Variants in CSMD3 observed in about 807,000 individuals in gnomAD.
CSMD3 encodes the protein CUB and Sushi multiple domains 3, also known as CUB and sushi domain-containing protein 3.
CSMD3 carries 177 observed loss-of-function variants against 435.2 expected under a neutral mutation model. The observed-to-expected ratio is 0.41, with a 90% confidence interval of 0.36 to 0.46. The LOEUF is 0.46. Among genes scored for constraint, CSMD3 ranks in the 20% least tolerant of loss-of-function variants. CSMD3 has a pLI of 0.34. For synonymous variants in CSMD3, 1,656 were observed against 1,520.5 expected (o/e 1.09, Z -2.07); for missense variants, 4,265 against 4,504.6 (o/e 0.95, Z 1.52).
At chr8:112,254,598 T>C (rs954861602) in intron 62 of CSMD3, among the ~76,000 whole-genome samples, 1 of 152,068 alleles carries the variant, frequency 6.6e-6, no homozygotes, top group Admixed American at 6.6e-5. Context: ...GCTCTGTGGA[T>C]GTAAAATTAA....
At chr8:112,860,461 CT>C in intron 10 of CSMD3, among the ~76,000 whole-genome samples, 1 of 151,588 alleles carries the variant, frequency 6.6e-6, no homozygotes. Context: ...GCAATTCAAT[CT>C]TTTTTCCCCA....
chr8:113,287,691 T>A (rs1203901712), intron 2 of CSMD3, among the ~76,000 whole-genome samples: 2 of 151,950 alleles, frequency 1.3e-5, no homozygotes, highest in African/African-American at 4.8e-5. Context: ...TGAATAAAAG[T>A]TGATGTCATG....
chr8:112,661,284 T>C (rs1489756797), intron 17 of CSMD3, among the ~76,000 whole-genome samples: 3 of 152,114 alleles, frequency 2.0e-5, no homozygotes, highest in Non-Finnish European at 2.9e-5. Context: ...TTTGAAACAG[T>C]CTAATTTCAA....
chr8:112,535,418 A>G (rs1825974305), intron 27 of CSMD3, among the ~76,000 whole-genome samples: 2 of 151,630 alleles, frequency 1.3e-5, no homozygotes, highest in South Asian at 4.2e-4. Flanking sequence ...ACTCCCATTC[A>G]CAATTGCTTC....
At chr8:112,229,249 G>T (rs1187489711) in intron 69 of CSMD3, among the ~76,000 whole-genome samples, 1 of 152,100 alleles carries the variant, frequency 6.6e-6, no homozygotes, top group Admixed American at 6.6e-5. Context: ...TACAACATAG[G>T]CTTGGCTTGA....
At chr8:112,753,836 T>G (rs2077629155) in intron 13 of CSMD3, among the ~76,000 whole-genome samples, 1 of 152,226 alleles carries the variant, frequency 6.6e-6, no homozygotes, top group Non-Finnish European at 1.5e-5. Context: ...TCTAACTTCC[T>G]ATCCCAACTT....
At chr8:113,257,581 T>C (rs2093393103) in intron 3 of CSMD3, among the ~76,000 whole-genome samples, 1 of 152,184 alleles carries the variant, frequency 6.6e-6, no homozygotes, top group Non-Finnish European at 1.5e-5. Flanking sequence ...GTATCCTTTG[T>C]AATATCCTTT....
At position 112,828,760 on chromosome 8, in the gene CSMD3, T is replaced by C. The variant is rs75122683; in HGVS notation, c.1859+926A>G. Among the ~76,000 whole-genome samples the C allele has an allele frequency of 3.8e-3, 578 of 152,280 alleles. 2 individuals are homozygous for C. Among genetic ancestry groups the C allele is most frequent in the African/African-American group, 0.013 (548 of 41,572 alleles). ...AAACAGAACTGTAGTAGGCCAGAGA[T>C]AGACCACCAAATCATGTTGATCAAT... On this transcript the variant is annotated intron_variant, in intron 12 of 70. Coordinates refer to ENST00000297405, the MANE Select transcript of CSMD3 (RefSeq NM_198123.2).
intron 50 of CSMD3, among the ~76,000 whole-genome samples, 187 bp from the exon 51 acceptor site, chr8:112,306,379 T>C (rs1003368402): frequency 6.6e-6 from 1 of 152,182 alleles, no homozygotes; most frequent in African/African-American, 2.4e-5. Context: ...AAACCCTTAT[T>C]TAGCAATGTT....
At chr8:112,432,796 C>T (rs12675991) in intron 32 of CSMD3, among the ~76,000 whole-genome samples, 64,767 of 151,470 alleles carry the variant, frequency 0.43, 14,812 homozygotes, top group Middle Eastern at 0.6. Context: ...GGATATTTGG[C>T]CATAGGTGGT....
chr8:113,420,616 C>T (rs766065379), intron 1 of CSMD3, among the ~76,000 whole-genome samples: 2 of 151,822 alleles, frequency 1.3e-5, no homozygotes, highest in African/African-American at 4.8e-5. Context: ...AAATAAAATA[C>T]GTCTATATAC....
chr8:112,502,211 C>T (rs1022380259), intron 30 of CSMD3, among the ~76,000 whole-genome samples: 12 of 152,092 alleles, frequency 7.9e-5, no homozygotes, highest in African/African-American at 2.7e-4. Flanking sequence ...AAAAGAGTTT[C>T]GAACCCATAT....
At chr8:113,152,836 GGGC>G (rs2091840123) in intron 4 of CSMD3, among the ~76,000 whole-genome samples, 1 of 151,326 alleles carries the variant, frequency 6.6e-6, no homozygotes, top group Non-Finnish European at 1.5e-5. Context: ...AAATTTAGCT[GGGC>G]ATATGCCTGT....
intron 38 of CSMD3, among the ~76,000 whole-genome samples, chr8:112,364,246 G>A (rs1243340129): frequency 6.6e-6 from 1 of 151,766 alleles, no homozygotes; most frequent in African/African-American, 2.4e-5. Flanking sequence ...CTACTACAAG[G>A]GATAGAAAGA....
intron 1 of CSMD3, among the ~76,000 whole-genome samples, chr8:113,384,841 G>A (rs545545768): frequency 6.6e-6 from 1 of 152,222 alleles, no homozygotes; most frequent in South Asian, 2.1e-4. Flanking sequence ...CCAGTGGAAA[G>A]TCACCTGACA....
At chr8:112,792,233 C>G (rs1315893239) in intron 13 of CSMD3, among the ~76,000 whole-genome samples, 1 of 151,976 alleles carries the variant, frequency 6.6e-6, no homozygotes, top group African/African-American at 2.4e-5. Flanking sequence ...TTCTCCTTTA[C>G]TATTATAAAA....
At chr8:113,116,121 T>C (rs2090819445) in intron 4 of CSMD3, among the ~76,000 whole-genome samples, 1 of 152,036 alleles carries the variant, frequency 6.6e-6, no homozygotes. Flanking sequence ...ATATCAGGAT[T>C]AATACACTAA....
At chr8:112,783,511 G>A (rs1223028740) in intron 13 of CSMD3, among the ~76,000 whole-genome samples, 1 of 136,924 alleles carries the variant, frequency 7.3e-6, no homozygotes, top group East Asian at 2.3e-4. Flanking sequence ...AGGGAGGAAG[G>A]GAGGGAGGGA....
At chr8:112,871,107 T>A (rs1290047713) in intron 10 of CSMD3, among the ~76,000 whole-genome samples, 1 of 152,082 alleles carries the variant, frequency 6.6e-6, no homozygotes, top group African/African-American at 2.4e-5. Context: ...AATGAATACG[T>A]GATTATTACC....
Sources: gnomAD v4.1 joint callset for allele counts (sites outside exome capture counted in the v4.1 genomes callset) on GRCh38, gnomAD v4.1.1 for gene constraint, MANE v1.5 for transcripts, NCBI Gene and HGNC (gene_info 2026-07-23, HGNC 2026-07-21) for gene names.